The following RBFOX1 variants were observed in gnomAD, a reference collection of about 807,000 sequenced individuals.
RBFOX1 encodes RNA binding fox-1 homolog 1.
A neutral mutation model predicts 57.7 loss-of-function variants in RBFOX1; 8 were observed. That is an observed-to-expected ratio of 0.14 (90% CI 0.08 to 0.25). RBFOX1 has a LOEUF of 0.25. Among genes scored for constraint, RBFOX1 ranks in the 10% least tolerant of loss-of-function variants. The pLI is 1.00. For synonymous variants in RBFOX1, 326 were observed against 222.4 expected (o/e 1.47, Z -4.15); for missense variants, 611 against 548.5 (o/e 1.11, Z -1.14).
intron 3 of RBFOX1, among the ~76,000 whole-genome samples, chr16:6,751,923 G>C (rs557948397): frequency 5.9e-5 from 9 of 152,134 alleles, no homozygotes; most frequent in Non-Finnish European, 1.0e-4. Flanking sequence ...GCCAGCGTGA[G>C]TCCAGGCTTT....
chr16:7,693,988 T>C (rs989899923), intron 14 of RBFOX1, among the ~76,000 whole-genome samples: 2 of 152,190 alleles, frequency 1.3e-5, no homozygotes, highest in African/African-American at 2.4e-5. Context: ...GGAAATTGCA[T>C]AGCTGCATGA....
chr16:6,426,174 C>G (rs2093922661), intron 2 of RBFOX1, among the ~76,000 whole-genome samples: 1 of 151,828 alleles, frequency 6.6e-6, no homozygotes, highest in Non-Finnish European at 1.5e-5. Context: ...CCCTCCATCC[C>G]TCCTCCCTTC....
chr16:7,668,520 G>T (rs1447971922), intron 13 of RBFOX1, among the ~76,000 whole-genome samples: 1 of 152,118 alleles, frequency 6.6e-6, no homozygotes, highest in Non-Finnish European at 1.5e-5. Flanking sequence ...AGCCCTGCAG[G>T]AAACCCACTG....
At chr16:6,670,475 G>A (rs1245871167) in intron 3 of RBFOX1, among the ~76,000 whole-genome samples, 1 of 152,152 alleles carries the variant, frequency 6.6e-6, no homozygotes, top group Non-Finnish European at 1.5e-5. Context: ...TGACTGGAAT[G>A]TTTTCATAAA....
chr16:6,398,972 G>C (rs1203900826), intron 2 of RBFOX1, among the ~76,000 whole-genome samples: 1 of 152,200 alleles, frequency 6.6e-6, no homozygotes, highest in African/African-American at 2.4e-5. Context: ...GCAGACTTTT[G>C]CCCGGATATC....
chr16:6,782,986 A>C (rs1044359941), intron 3 of RBFOX1, among the ~76,000 whole-genome samples: 2 of 151,932 alleles, frequency 1.3e-5, no homozygotes, highest in Non-Finnish European at 2.9e-5. Flanking sequence ...TTATATAATG[A>C]CCTTCTTTGT....
At chr16:6,771,393 A>G (rs2078266762) in intron 3 of RBFOX1, among the ~76,000 whole-genome samples, 1 of 152,076 alleles carries the variant, frequency 6.6e-6, no homozygotes, top group South Asian at 2.1e-4. Context: ...TCTGACGCCT[A>G]AGTCAGCAGC....
chr16:7,546,406 G>T (rs1306601814), intron 5 of RBFOX1, among the ~76,000 whole-genome samples: 1 of 151,990 alleles, frequency 6.6e-6, no homozygotes, highest in African/African-American at 2.4e-5. Context: ...TACTTACCTT[G>T]TGTCAGCTGT....
chr16:5,648,829 C>G (rs1220888060), intron 3 of RBFOX1, among the ~76,000 whole-genome samples: 1 of 152,052 alleles, frequency 6.6e-6, no homozygotes, highest in African/African-American at 2.4e-5. Flanking sequence ...TTCGGGAGGC[C>G]AAAGCAGGCG....
chr16:7,376,093 C>T (rs547494061), intron 4 of RBFOX1, among the ~76,000 whole-genome samples: 1 of 152,108 alleles, frequency 6.6e-6, no homozygotes. Flanking sequence ...GTGTACATTT[C>T]TAAGGCACTT....
At chr16:5,622,340 G>A (rs1213477522) in intron 3 of RBFOX1, among the ~76,000 whole-genome samples, 1 of 152,220 alleles carries the variant, frequency 6.6e-6, no homozygotes, top group Non-Finnish European at 1.5e-5. Context: ...AATTAGTTAT[G>A]TTTAGTGTCT....
At chr16:6,130,375 A>G (rs1419512363) in intron 1 of RBFOX1, among the ~76,000 whole-genome samples, 2 of 152,154 alleles carry the variant, frequency 1.3e-5, no homozygotes, top group Non-Finnish European at 2.9e-5. Flanking sequence ...TTATCCTACC[A>G]TGCCTAAAAA....
intron 3 of RBFOX1, among the ~76,000 whole-genome samples, chr16:6,918,727 G>T (rs1468317412): frequency 6.6e-6 from 1 of 152,160 alleles, no homozygotes; most frequent in Non-Finnish European, 1.5e-5. Context: ...TCCGAATGCA[G>T]ACAACATGAA....
chr16:7,381,195 C>G (rs1301111647), intron 4 of RBFOX1, among the ~76,000 whole-genome samples: 1 of 152,200 alleles, frequency 6.6e-6, no homozygotes, highest in Non-Finnish European at 1.5e-5. Flanking sequence ...CCTCTCATCT[C>G]AGGGCTTCCA....
chr16:6,263,429 G>A (rs1446057920), intron 1 of RBFOX1, among the ~76,000 whole-genome samples: 1 of 152,066 alleles, frequency 6.6e-6, no homozygotes, highest in Non-Finnish European at 1.5e-5. Context: ...TTGGTTGGGG[G>A]AAAAAAGTAA....
intron 4 of RBFOX1, among the ~76,000 whole-genome samples, chr16:7,247,803 C>T (rs1429041049): frequency 6.6e-6 from 1 of 152,154 alleles, no homozygotes. Flanking sequence ...GTTCCAAACA[C>T]TGCATGTTCT....
At chr16:6,813,592 C>T (rs1008877857) in intron 3 of RBFOX1, among the ~76,000 whole-genome samples, 2 of 152,188 alleles carry the variant, frequency 1.3e-5, no homozygotes, top group Admixed American at 1.3e-4. Flanking sequence ...GCATCCAAAC[C>T]TCTCTCTCCA....
In RBFOX1 at chr16:6,145,677, G is replaced by T. The variant is rs78927422; in HGVS notation, c.-127+125685G>T. On this transcript the variant is annotated intron_variant, in intron 1 of 15. Coordinates refer to ENST00000550418, the MANE Select transcript of RBFOX1 (RefSeq NM_018723.4). ...TTTAACCTGAAAGAGGGAGTCTCTT[G>T]TACCTTACCTGTAGTATTTTCAATG... Among the ~76,000 whole-genome samples, 552 of 152,044 alleles carry T rather than the reference G, an allele frequency of 3.6e-3. 4 individuals carry two copies. Among genetic ancestry groups the T allele is most frequent in the African/African-American group, 0.012 (518 of 41,492 alleles).
chr16:7,200,127 G>C (rs765678334), intron 4 of RBFOX1, among the ~76,000 whole-genome samples: 1 of 152,126 alleles, frequency 6.6e-6, no homozygotes, highest in African/African-American at 2.4e-5. Context: ...CAACAAAACT[G>C]GTTTGAATTG....
Sources: gnomAD v4.1 joint callset for allele counts (sites outside exome capture counted in the v4.1 genomes callset) on GRCh38, gnomAD v4.1.1 for gene constraint, MANE v1.5 for transcripts, NCBI Gene and HGNC (gene_info 2026-07-23, HGNC 2026-07-21) for gene names.